The following FGFR1 variants were observed in gnomAD, a reference collection of about 807,000 sequenced individuals.
The protein encoded by FGFR1 is fibroblast growth factor receptor 1, also known as FGFR1/PLAG1 fusion.
In FGFR1, 18 loss-of-function variants were observed where a neutral mutation model predicts 93.7. That is an observed-to-expected ratio of 0.19 (90% CI 0.13 to 0.28). The LOEUF (loss-of-function observed/expected upper bound fraction) is 0.28. Ranked by LOEUF, FGFR1 falls within the 10% of genes least tolerant of loss-of-function variation. The probability of loss-of-function intolerance (pLI) is 1.00; values close to 1 mark genes in which losing one functional copy is unlikely to be tolerated. For missense variants in FGFR1, 731 were observed against 1,080.4 expected (o/e 0.68, Z 4.53); for synonymous variants, 448 against 429.3 (o/e 1.04, Z -0.54).
chr8:38,418,858 T>G (rs1211072633), intron 9 of FGFR1, among the ~76,000 whole-genome samples: 1 of 152,194 alleles, frequency 6.6e-6, no homozygotes, highest in Non-Finnish European at 1.5e-5. Flanking sequence ...TGAGATGGTT[T>G]GGCTGTGTCC....
chr8:38,428,198 C>A, intron 4 of FGFR1, 105 bp from the exon 5 acceptor site: 1 of 1,532,312 alleles, frequency 6.5e-7, no homozygotes, highest in South Asian at 1.1e-5. Context: ...GCCCATCTGC[C>A]CAACACCTGT....
At chr8:38,443,547 C>T (rs1038489747) in intron 2 of FGFR1, among the ~76,000 whole-genome samples, 1 of 151,228 alleles carries the variant, frequency 6.6e-6, no homozygotes, top group Non-Finnish European at 1.5e-5. Flanking sequence ...GTAGCGTGCA[C>T]CTGTGGTCCC....
intron 2 of FGFR1, among the ~76,000 whole-genome samples, chr8:38,436,099 G>A (rs1825314401): frequency 6.6e-6 from 1 of 152,224 alleles, no homozygotes; most frequent in Non-Finnish European, 1.5e-5. Context: ...TGCGGACTGG[G>A]TGCAGTGGCT....
At chr8:38,465,359 T>C (rs980280016) in intron 1 of FGFR1, 3 of 232,486 alleles carry the variant, frequency 1.3e-5, no homozygotes, top group African/African-American at 4.4e-5. Flanking sequence ...GGCAGTGAAG[T>C]ACGCAGTCCA....
chr8:38,432,530 A>G (rs1354008497), intron 2 of FGFR1, among the ~76,000 whole-genome samples: 1 of 149,544 alleles, frequency 6.7e-6, no homozygotes, highest in Non-Finnish European at 1.5e-5. Context: ...CTCCTGCCTC[A>G]GCCTCCTGAG....
intron 1 of FGFR1, among the ~76,000 whole-genome samples, chr8:38,467,168 C>A (rs1332168790): frequency 6.6e-6 from 1 of 152,104 alleles, no homozygotes; most frequent in Admixed American, 6.5e-5. Context: ...CCGAACGGTC[C>A]TTCCGCCCCC....
In FGFR1 at chr8:38,453,229, T is replaced by C. The variant is rs1046634310; in HGVS notation, c.91+4127A>G. Among the ~76,000 whole-genome samples, 4 of 152,286 alleles carry C rather than the reference T, an allele frequency of 2.6e-5. No homozygotes were observed. The East Asian group carries it at 7.7e-4, about 29-fold the overall frequency. ...CTCCACCAAACAGAGACCTGGGGCT[T>C]GTTCTCCAAGTGCAGGGGCTTTCCG... On this transcript the variant is annotated intron_variant, in intron 2 of 17. Coordinates refer to ENST00000447712, the MANE Select transcript of FGFR1 (RefSeq NM_023110.3).
intron 1 of FGFR1, among the ~76,000 whole-genome samples, chr8:38,464,652 C>T (rs1835132732): frequency 1.3e-5 from 2 of 152,156 alleles, no homozygotes; most frequent in East Asian, 3.9e-4. Flanking sequence ...CCCACTAGTC[C>T]CTGGTGCGTT....
intron 13 of FGFR1, 42 bp from the exon 14 acceptor site, chr8:38,414,943 G>A (rs1420511892): frequency 4.4e-6 from 7 of 1,577,626 alleles, no homozygotes; most frequent in Non-Finnish European, 6.1e-6. Context: ...GGGAGGTGAG[G>A]GAGCTGGAAG....
At chr8:38,458,463 CT>C in intron 1 of FGFR1, among the ~76,000 whole-genome samples, 1 of 152,050 alleles carries the variant, frequency 6.6e-6, no homozygotes, top group Non-Finnish European at 1.5e-5. Context: ...ATTGCTTGAA[CT>C]CAGGAGGCGG....
chr8:38,429,527 C>A lies in FGFR1; in HGVS notation c.358+155G>T. ...TCACCTCTCTGAGAGCCAAGCCACG[C>A]GGCAGGCAGGGAGCAATGTTAGTGG... On this transcript the variant is annotated intron_variant, in intron 3 of 17. Coordinates refer to ENST00000447712, the MANE Select transcript of FGFR1 (RefSeq NM_023110.3). This position sits in a 1 kb window ranked among gnomAD's most constrained non-coding sequence, Gnocchi z 4.4. The A allele has an allele frequency of 1.1e-6, 1 of 908,594 alleles. No homozygotes were observed. The highest frequency in any genetic ancestry group is 1.7e-6 in the Non-Finnish European group (1 of 585,252). 56.3% of individuals were successfully genotyped at this position (908,594 alleles called of 1,614,324 possible).
In FGFR1 at chr8:38,418,368, A is replaced by T. The variant is rs2150679684; in HGVS notation, c.1290T>A (p.Ser430=). ...SIPLRRQVTV[S]ADSSASMNSG... ...AGTTCATGGATGCACTGGAGTCAGC[A>T]GACACCTGCAAGGAAGAGTGGGGTC... The change falls in exon 10 of 18, where the codon TCT becomes TCA. Residue 430 remains serine (S), a synonymous_variant. Coordinates refer to ENST00000447712, the MANE Select transcript of FGFR1 (RefSeq NM_023110.3). 1 of 1,613,910 alleles carries T rather than the reference A, an allele frequency of 6.2e-7. No individual in the cohort carries two copies. Among genetic ancestry groups the T allele is most frequent in the Non-Finnish European group, 8.5e-7 (1 of 1,179,886 alleles).
rs55642501 is a variant in FGFR1, at chr8:38,429,736, C to T, written c.304G>A (p.Val102Ile). 2.1e-4 allele frequency: 337 copies of T among 1,586,190 alleles called. 1 individual carries two copies. The East Asian group carries it at 4.0e-3, about 19-fold the overall frequency. Residue 102 changes from valine to isoleucine, a missense_variant, in exon 3 of 18, where the codon GTA becomes ATA. Transcript: ENST00000447712. This position sits in a 1 kb window ranked among gnomAD's most constrained non-coding sequence, Gnocchi z 4.4. The part of the protein sequence containing the change: ...VPADSGLYAC[V>I]TSSPSGSDTT... ...TCACTGCCCGAGGGGCTGCTGGTTA[C>T]GCAAGCATAGAGGCCGGAGTCTGCG...
At chr8:38,417,105 G>A (rs999170673) in intron 12 of FGFR1, among the ~76,000 whole-genome samples, 1 of 152,222 alleles carries the variant, frequency 6.6e-6, no homozygotes, top group Non-Finnish European at 1.5e-5. Flanking sequence ...CACACCACGT[G>A]TGTGAATCTA....
At chr8:38,443,765 T>C (rs1828362486) in intron 2 of FGFR1, among the ~76,000 whole-genome samples, 1 of 151,526 alleles carries the variant, frequency 6.6e-6, no homozygotes, top group African/African-American at 2.4e-5. Flanking sequence ...ACAAAAGAAT[T>C]AGATGGCGCT....
intron 1 of FGFR1, among the ~76,000 whole-genome samples, chr8:38,463,688 A>G (rs1834911327): frequency 6.6e-6 from 1 of 152,224 alleles, no homozygotes; most frequent in Non-Finnish European, 1.5e-5. Flanking sequence ...TATCAGAGAA[A>G]AGCAATTAGG....
chr8:38,421,748 G>T, intron 8 of FGFR1, 49 bp downstream of exon 8: 1 of 1,595,078 alleles, frequency 6.3e-7, no homozygotes, highest in Admixed American at 1.7e-5. Flanking sequence ...TGCTCCCCCC[G>T]TGCCCGTGGC....
intron 8 of FGFR1, chr8:38,420,462 C>G (rs1243154763): frequency 6.6e-6 from 1 of 152,222 alleles, no homozygotes; most frequent in Non-Finnish European, 1.5e-5. Context: ...CTCATAGGCC[C>G]CAACTCCTAA....
In FGFR1 at chr8:38,462,054, A is replaced by C. The variant is rs1211163124; in HGVS notation, c.-88-4520T>G. Among the ~76,000 whole-genome samples the C allele has an allele frequency of 5.9e-5, 9 of 152,206 alleles. No homozygotes were observed. The East Asian group carries it at 1.7e-3, about 29-fold the overall frequency. The stretch of plus-strand genomic sequence containing the variant: ...TGAAATGTGGCTGGTGCTAACGGAT[A>C]TGCTATAAGTAAAAAGTATACACCG... On this transcript the variant is annotated intron_variant, in intron 1 of 17. Coordinates refer to ENST00000447712, the MANE Select transcript of FGFR1 (RefSeq NM_023110.3).
Sources: allele counts gnomAD v4.1 joint callset (sites outside exome capture counted in the v4.1 genomes callset), GRCh38; gene constraint gnomAD v4.1.1; non-coding constraint Gnocchi (gnomAD v3.1); transcripts MANE v1.5; gene names NCBI Gene and HGNC (gene_info 2026-07-23, HGNC 2026-07-21).